Variants in FMO2 observed in about 807,000 individuals in gnomAD.
The protein encoded by FMO2 is flavin-containing monooxygenase 2.
Under a neutral mutation model 41.6 loss-of-function variants are expected in FMO2, and 33 were observed. The ratio of observed to expected loss-of-function variants is 0.79; its 90% CI spans 0.60 to 1.06. The LOEUF is 1.06. Among genes scored for constraint, FMO2 ranks in the 50% least tolerant of loss-of-function variants. The pLI is 0.00. For missense variants in FMO2, 619 were observed against 632.9 expected (o/e 0.98, Z 0.23); for synonymous variants, 214 against 219.6 (o/e 0.97, Z 0.23).
rs1308564602 is a variant in FMO2, at chr1:171,209,463, T to C, written c.*318T>C. The C allele has an allele frequency of 9.3e-6, 2 of 215,192 alleles. No individual in the cohort carries two copies. The highest frequency in any genetic ancestry group is 2.0e-4 in the East Asian group (2 of 10,022). The allele number at this position is 215,192 out of a possible 1,614,324, so 13.3% of individuals were successfully genotyped here. A position where few individuals can be genotyped will look rare whatever the true frequency, so the allele number is the denominator to read the frequency against. On this transcript the variant is annotated 3_prime_UTR_variant, in exon 9 of 9. Coordinates refer to ENST00000209929, the MANE Select transcript of FMO2 (RefSeq NM_001460.5). ...GAGTTGTATGGAAAAATAGTAGAATTACACAGCATGAAAAGCAGCCCATGG... is the reference window on the plus strand; with the variant it reads ...GAGTTGTATGGAAAAATAGTAGAATCACACAGCATGAAAAGCAGCCCATGG...
chr1:171,197,132 T>C (rs988431463), intron 4 of FMO2, among the ~76,000 whole-genome samples: 3 of 152,162 alleles, frequency 2.0e-5, no homozygotes, highest in Admixed American at 2.0e-4. Context: ...TTTTCTACCC[T>C]GCCAAACACC....
intron 2 of FMO2, among the ~76,000 whole-genome samples, chr1:171,191,607 G>T (rs896810986): frequency 6.6e-6 from 1 of 152,146 alleles, no homozygotes; most frequent in Admixed American, 6.6e-5. Flanking sequence ...AGAGGAAAAT[G>T]AGGAAACTGA....
chr1:171,204,176 T>C, intron 6 of FMO2, 112 bp downstream of exon 6: 1 of 732,578 alleles, frequency 1.4e-6, no homozygotes, highest in Non-Finnish European at 2.4e-6. Context: ...AACTACAATC[T>C]AACAATATGA....
chr1:171,192,759 C>G (rs1019923523), intron 2 of FMO2, among the ~76,000 whole-genome samples: 3 of 104,936 alleles, frequency 2.9e-5, no homozygotes, highest in Admixed American at 1.2e-4. Flanking sequence ...GAGCGAGACT[C>G]TGTCTCAAAA....
chr1:171,185,708 G>A lies in FMO2; in HGVS notation c.-6G>A, dbSNP rs760616207. On this transcript the variant is annotated splice_region_variant and 5_prime_UTR_variant, in exon 2 of 9. Coordinates refer to ENST00000209929, the MANE Select transcript of FMO2 (RefSeq NM_001460.5). ...TGTTGATTGATCAACTCCTTGACAG[G>A]AGCTGATGGCAAAGAAGGTAGCTGT... 6 of 1,613,620 alleles carry A rather than the reference G, an allele frequency of 3.7e-6. No homozygotes were observed. Among genetic ancestry groups the A allele is most frequent in the Non-Finnish European group, 5.1e-6 (6 of 1,179,638 alleles).
chr1:171,193,152 C>A lies in FMO2; in HGVS notation c.133-183C>A, dbSNP rs917254254. 3.9e-5 allele frequency among the ~76,000 whole-genome samples: 6 copies of A among 152,188 alleles called. No individual in the cohort carries two copies. In the East Asian group the frequency reaches 9.6e-4, roughly 24 times the overall value. Reference sequence around the variant, plus strand: ...CACAGTGAGCGTCACAGGCAGGCAACAAACTGGTGTCGTCACAGAATGATT... The same window carrying A: ...CACAGTGAGCGTCACAGGCAGGCAAAAAACTGGTGTCGTCACAGAATGATT... On this transcript the variant is annotated intron_variant, in intron 2 of 8. Coordinates refer to ENST00000209929, the MANE Select transcript of FMO2 (RefSeq NM_001460.5).
chr1:171,204,161 G>A (rs1382136359), intron 6 of FMO2, 97 bp downstream of exon 6: 10 of 824,840 alleles, frequency 1.2e-5, no homozygotes, highest in Non-Finnish European at 2.0e-5. Context: ...TAACACGGTA[G>A]TTAAAACTAC....
At position 171,185,854 on chromosome 1, in the gene FMO2, G is replaced by T. The variant is rs775861645; in HGVS notation, c.132+9G>T. ...GAGTGTGGAGGTTCAAAGTAAGTGA[G>T]ATTTTCTTGGGTCTTGAACAGGTTG... is the stretch of plus-strand genomic sequence containing the variant. On this transcript the variant is annotated intron_variant, in intron 2 of 8. Transcript: ENST00000209929. 1.2e-6 allele frequency: 2 copies of T among 1,613,412 alleles called. No homozygotes were observed. The highest frequency in any genetic ancestry group is 1.7e-5 in the Admixed American group (1 of 60,002).
At chr1:171,187,237 T>C (rs775075110) in intron 2 of FMO2, among the ~76,000 whole-genome samples, 36 of 152,226 alleles carry the variant, frequency 2.4e-4, no homozygotes, top group Admixed American at 1.3e-4. Context: ...ACTTTAGAAT[T>C]ATGTAATCAG....
Position 171,211,201 on chromosome 1 carries a change from T to C in FMO2, c.*2056T>C, listed in dbSNP as rs889025939. ...TGTGGGCCAAATCTAGCTCACTATC[T>C]GTTTTTGTAAATAAAATTTTATAAT... On this transcript the variant is annotated 3_prime_UTR_variant, in exon 9 of 9. Coordinates refer to ENST00000209929, the MANE Select transcript of FMO2 (RefSeq NM_001460.5). 13 of 152,214 alleles carry C rather than the reference T, an allele frequency of 8.5e-5. No individual in the cohort carries two copies. The highest frequency in any genetic ancestry group is 1.6e-4 in the Non-Finnish European group (11 of 68,040). The allele number at this position is 152,214 out of a possible 1,614,324, so 9.4% of individuals were successfully genotyped here. A position where few individuals can be genotyped will look rare whatever the true frequency, so the allele number is the denominator to read the frequency against.
Position 171,186,705 on chromosome 1 carries a change from G to A in FMO2, c.132+860G>A, listed in dbSNP as rs137889731. Among the ~76,000 whole-genome samples, 280 of 152,102 alleles carry A rather than the reference G, an allele frequency of 1.8e-3. 5 individuals carry two copies. The highest frequency in any genetic ancestry group is 2.5e-3 in the South Asian group (12 of 4,798). ...ACAATTCAATATGAGATTTGGATGG[G>A]GACACAAAGCCAAACCATGTCACTG... On this transcript the variant is annotated intron_variant, in intron 2 of 8. Coordinates refer to ENST00000209929, the MANE Select transcript of FMO2 (RefSeq NM_001460.5).
At chr1:171,207,544 G>A (rs1658811410) in intron 7 of FMO2, 174 bp from the exon 8 acceptor site, 6 of 580,102 alleles carry the variant, frequency 1.0e-5, no homozygotes, top group Non-Finnish European at 1.9e-5. Context: ...GTGCACCCTG[G>A]ACAGTGTCAC....
chr1:171,208,213 G>A (rs1302768433), intron 8 of FMO2, among the ~76,000 whole-genome samples: 1 of 152,142 alleles, frequency 6.6e-6, no homozygotes, highest in Non-Finnish European at 1.5e-5. Flanking sequence ...ATTAGGAAGG[G>A]GTTGGTGTGA....
chr1:171,205,297 T>C lies in FMO2; in HGVS notation c.846T>C (p.Pro282=), dbSNP rs1179669543. The change falls in exon 7 of 9, where the codon CCT becomes CCC. Residue 282 remains proline (P), a synonymous_variant. Coordinates refer to ENST00000209929, the MANE Select transcript of FMO2 (RefSeq NM_001460.5). ...GTCTCAGATACATTATGAAGGAACC[T>C]GTACTAAATGATGATGTCCCAAGTC... ...EPQNKYIMKE[P]VLNDDVPSRL... 6.2e-7 allele frequency: 1 copy of C among 1,608,892 alleles called. No individual in the cohort carries two copies.
rs1468170822 is a variant in FMO2 at position 171,211,648 on chromosome 1, C to T, written c.*2503C>T. ...GTAAATAGTTTATTTATAGAGAACC[C>T]TACCTCTGAGGTTGACTCAAAGGTT... On this transcript the variant is annotated 3_prime_UTR_variant, in exon 9 of 9. Transcript: ENST00000209929. 6.6e-6 allele frequency among the ~76,000 whole-genome samples: 1 copy of T among 152,112 alleles called. No individual in the cohort carries two copies. The highest frequency in any genetic ancestry group is 2.4e-5 in the African/African-American group (1 of 41,416).
rs781221762 is a variant in FMO2 at position 171,193,453 on chromosome 1, A to C, written c.251A>C (p.Asn84Thr). Residue 84 changes from asparagine (N) to threonine (T), a missense_variant, in exon 3 of 9, where the codon AAT (asparagine) becomes ACT (threonine). Transcript: ENST00000209929. ...GAAGATTTTCCAAACTTCCTGCATA[A>C]TTCTAAACTTCTGGAATATTTCAGG... ...MPEDFPNFLH[N>T]SKLLEYFRIF... is the part of the protein sequence containing the mutation. 2 of 1,611,982 alleles carry C rather than the reference A, an allele frequency of 1.2e-6. No individual in the cohort carries two copies. The highest frequency in any genetic ancestry group is 1.3e-5 in the African/African-American group (1 of 74,848).
In FMO2 at chr1:171,187,669, C is replaced by A. The variant is rs545920442; in HGVS notation, c.132+1824C>A. On this transcript the variant is annotated intron_variant, in intron 2 of 8. Transcript: ENST00000209929. ...AAAAAAAAAAATACTGATTTGTGGG[C>A]ACTCCATCCCAAATCTATGGAATCA... Among the ~76,000 whole-genome samples, 5 of 148,090 alleles carry A rather than the reference C, an allele frequency of 3.4e-5. No individual in the cohort carries two copies. The South Asian group carries it at 1.1e-3, about 32-fold the overall frequency.
At chr1:171,187,559 C>A (rs1270457479) in intron 2 of FMO2, among the ~76,000 whole-genome samples, 4 of 149,752 alleles carry the variant, frequency 2.7e-5, no homozygotes, top group Non-Finnish European at 5.9e-5. Flanking sequence ...TACTCTGTCA[C>A]CCAGGCTACC....
chr1:171,194,187 C>T (rs1658210887), intron 3 of FMO2, among the ~76,000 whole-genome samples: 1 of 152,126 alleles, frequency 6.6e-6, no homozygotes, highest in South Asian at 2.1e-4. Context: ...TTCTTAGCTT[C>T]TTCATAGAAA....
Sources: allele counts gnomAD v4.1 joint callset (sites outside exome capture counted in the v4.1 genomes callset), GRCh38; gene constraint gnomAD v4.1.1; transcripts MANE v1.5; gene names NCBI Gene and HGNC (gene_info 2026-07-23, HGNC 2026-07-21).